The following RMI1 variants were observed in gnomAD, a reference collection of about 807,000 sequenced individuals.
RMI1 encodes RecQ mediated genome instability 1.
Under a neutral mutation model 46.7 loss-of-function variants are expected in RMI1, and 36 were observed. The observed-to-expected ratio is 0.77, with a 90% confidence interval of 0.59 to 1.02. RMI1 has a LOEUF of 1.02. RMI1 is among the 50% of genes least tolerant of loss of function. The probability of loss-of-function intolerance (pLI) is 0.00; values close to 1 mark genes in which losing one functional copy is unlikely to be tolerated. For synonymous variants in RMI1, 250 were observed against 252.9 expected (o/e 0.99, Z 0.11); for missense variants, 676 against 713.7 (o/e 0.95, Z 0.60).
chr9:83,986,599 A>G (rs967748775), intron 1 of RMI1, among the ~76,000 whole-genome samples: 1 of 152,206 alleles, frequency 6.6e-6, no homozygotes, highest in African/African-American at 2.4e-5. Flanking sequence ...TCAAAAAATT[A>G]CTGTTTTGAG....
rs1315894906 is a variant in RMI1, at chr9:84,002,972, A to C, written c.*108A>C. Reference sequence around the variant, plus strand: ...GTGTAAAAAGGAAAAATGAAATTTCATAGCTTATTTCAGTTTAATTTTAAA... The same window carrying C: ...GTGTAAAAAGGAAAAATGAAATTTCCTAGCTTATTTCAGTTTAATTTTAAA... On this transcript the variant is annotated 3_prime_UTR_variant, in exon 3 of 3. Transcript: ENST00000445877. 1.5e-6 allele frequency: 1 copy of C among 656,174 alleles called. No homozygotes were observed. The allele number at this position is 656,174 out of a possible 1,614,324, so 40.6% of individuals were successfully genotyped here. A position where few individuals can be genotyped will look rare whatever the true frequency, so the allele number is the denominator to read the frequency against.
chr9:84,001,833 T>C lies in RMI1; in HGVS notation c.847T>C (p.Ser283Pro). The change falls in exon 3 of 3, where the codon TCA (serine) becomes CCA (proline). Residue 283 changes from serine to proline, a missense_variant. Coordinates refer to ENST00000445877, the MANE Select transcript of RMI1 (RefSeq NM_001358291.2). Reference sequence around the variant, plus strand: ...CTCAAATACCATTCCCACAAGACAGTCAAGTTTTGAGCCAGAATTTGTTAT... The same window carrying C: ...CTCAAATACCATTCCCACAAGACAGCCAAGTTTTGAGCCAGAATTTGTTAT... ...SSSNTIPTRQ[S>P]SFEPEFVISP... 1 of 1,614,060 alleles carries C rather than the reference T, an allele frequency of 6.2e-7. No homozygotes were observed. The highest frequency in any genetic ancestry group is 8.5e-7 in the Non-Finnish European group (1 of 1,179,954).
intron 2 of RMI1, 124 bp from the exon 3 acceptor site, chr9:84,000,827 G>A: frequency 3.7e-6 from 2 of 536,436 alleles, no homozygotes; most frequent in Admixed American, 3.4e-5. Context: ...TTTCAATTTC[G>A]ACCATGTAAG....
chr9:83,983,401 C>A (rs1157786111), intron 1 of RMI1, among the ~76,000 whole-genome samples: 1 of 152,136 alleles, frequency 6.6e-6, no homozygotes, highest in Admixed American at 6.5e-5. Context: ...TTTTTCCTCC[C>A]TAATTTTCGG....
chr9:83,997,372 A>T (rs1319050185), intron 1 of RMI1, among the ~76,000 whole-genome samples: 1 of 151,410 alleles, frequency 6.6e-6, no homozygotes, highest in Non-Finnish European at 1.5e-5. Flanking sequence ...TGGCCTCCCA[A>T]AGTGCTGGGA....
At chr9:83,997,108 CTTT>C (rs35796088) in intron 1 of RMI1, among the ~76,000 whole-genome samples, 6 of 60,322 alleles carry the variant, frequency 9.9e-5, no homozygotes, top group East Asian at 6.5e-4. Flanking sequence ...ACACCCCCCC[CTTT>C]TTTTTTTTTT....
At position 84,001,041 on chromosome 9, in the gene RMI1, C is replaced by A. The variant is rs35819647; in HGVS notation, c.55C>A (p.His19Asn). ...RAETWLLAAW[H>N]VKVPPMWLEA... ...TGAAACTTGGCTTTTAGCTGCATGG[C>A]ATGTTAAAGTACCTCCGATGTGGCT... The change falls in exon 3 of 3, where the codon CAT (histidine) becomes AAT (asparagine). Residue 19 changes from histidine (H) to asparagine (N), a missense_variant. Transcript: ENST00000445877. 6.2e-7 allele frequency: 1 copy of A among 1,613,602 alleles called. No homozygotes were observed.
At chr9:83,990,175 G>C (rs1013890222) in intron 1 of RMI1, among the ~76,000 whole-genome samples, 2 of 152,130 alleles carry the variant, frequency 1.3e-5, no homozygotes, top group African/African-American at 4.8e-5. Context: ...AGGCTGGGAA[G>C]GGTAGGGGGG....
At chr9:83,981,619 T>G (rs1369060851) in intron 1 of RMI1, among the ~76,000 whole-genome samples, 1 of 152,212 alleles carries the variant, frequency 6.6e-6, no homozygotes, top group Non-Finnish European at 1.5e-5. Flanking sequence ...TCCACATCCT[T>G]ACTCGTCAAC....
chr9:83,993,781 T>TTTA (rs953807547), intron 1 of RMI1, among the ~76,000 whole-genome samples: 224 of 151,832 alleles, frequency 1.5e-3, no homozygotes, highest in Admixed American at 4.3e-3. Context: ...TGTATATCTT[T>TTTA]TTATTATTAT....
chr9:83,997,582 C>T (rs1357672818), intron 1 of RMI1, among the ~76,000 whole-genome samples: 1 of 151,936 alleles, frequency 6.6e-6, no homozygotes, highest in Admixed American at 6.6e-5. Flanking sequence ...GGAAAACTGG[C>T]ATAGGGGCTT....
chr9:83,982,990 A>G (rs1957441959), intron 1 of RMI1, among the ~76,000 whole-genome samples: 1 of 152,236 alleles, frequency 6.6e-6, no homozygotes, highest in African/African-American at 2.4e-5. Context: ...ACAATGGTGT[A>G]ATGGTGTAGT....
rs779984790 is a variant in RMI1, at chr9:84,002,609, A to G, written c.1623A>G (p.Leu541=). ...TAKVSDGTAY[L]DVDFVDEILT... ...AGGTGTCTGATGGTACTGCATATCTAGATGTAGACTTTGTGGATGAAATAC... is the reference window on the plus strand; with the variant it reads ...AGGTGTCTGATGGTACTGCATATCTGGATGTAGACTTTGTGGATGAAATAC... Residue 541 remains leucine, a synonymous_variant, in exon 3 of 3, where the codon CTA becomes CTG. Coordinates refer to ENST00000445877, the MANE Select transcript of RMI1 (RefSeq NM_001358291.2). 3.1e-6 allele frequency: 5 copies of G among 1,613,976 alleles called. No homozygotes were observed. Among genetic ancestry groups the G allele is most frequent in the South Asian group, 2.2e-5 (2 of 91,084 alleles).
intron 1 of RMI1, among the ~76,000 whole-genome samples, chr9:83,994,581 A>G (rs1957622855): frequency 6.6e-6 from 1 of 152,126 alleles, no homozygotes; most frequent in African/African-American, 2.4e-5. Context: ...GAGTCTTGGC[A>G]CCATTGTCAA....
At chr9:83,989,555 C>G (rs148359010) in intron 1 of RMI1, among the ~76,000 whole-genome samples, 56 of 151,664 alleles carry the variant, frequency 3.7e-4, no homozygotes, top group Middle Eastern at 6.8e-3. Flanking sequence ...AGAAGATGTA[C>G]AGGTGGCCAA....
intron 1 of RMI1, among the ~76,000 whole-genome samples, chr9:83,991,373 T>G (rs1415679089): frequency 6.6e-6 from 1 of 152,060 alleles, no homozygotes; most frequent in African/African-American, 2.4e-5. Context: ...TAGGGTGCAG[T>G]GGCACAAACA....
chr9:83,994,148 T>C (rs189696904), intron 1 of RMI1, among the ~76,000 whole-genome samples: 61 of 152,286 alleles, frequency 4.0e-4, no homozygotes, highest in African/African-American at 1.4e-3. Context: ...GGATTATTTT[T>C]TGTTGTTAAT....
At chr9:83,981,725 C>A (rs1957403028) in intron 1 of RMI1, among the ~76,000 whole-genome samples, 1 of 152,208 alleles carries the variant, frequency 6.6e-6, no homozygotes, top group Non-Finnish European at 1.5e-5. Flanking sequence ...CGAATACATG[C>A]ATATATTTTA....
chr9:84,003,710 C>T lies in RMI1; in HGVS notation c.*846C>T, dbSNP rs982805910. 2 of 166,400 alleles carry T rather than the reference C, an allele frequency of 1.2e-5. No individual in the cohort carries two copies. The highest frequency in any genetic ancestry group is 4.8e-5 in the African/African-American group (2 of 41,412). 10.3% of individuals were successfully genotyped at this position (166,400 alleles called of 1,614,324 possible). On this transcript the variant is annotated 3_prime_UTR_variant, in exon 3 of 3. Coordinates refer to ENST00000445877, the MANE Select transcript of RMI1 (RefSeq NM_001358291.2). ...TTAAGGTAATCTAGTTAACTAGATG[C>T]TATTTCATAGATTATATTGAATGAT...
Sources: allele counts gnomAD v4.1 joint callset (sites outside exome capture counted in the v4.1 genomes callset), GRCh38; gene constraint gnomAD v4.1.1; transcripts MANE v1.5; gene names NCBI Gene and HGNC (gene_info 2026-07-23, HGNC 2026-07-21).